HIVEP2: variants seen among roughly 807,000 people sequenced by gnomAD.
The protein encoded by HIVEP2 is transcription factor HIVEP2.
HIVEP2 carries 14 observed loss-of-function variants against 180.7 expected under a neutral mutation model. That is an observed-to-expected ratio of 0.08 (90% CI 0.05 to 0.12). HIVEP2 has a LOEUF of 0.12. Ranked by LOEUF, HIVEP2 falls within the 10% of genes least tolerant of loss-of-function variation. The pLI is 1.00. For synonymous variants in HIVEP2, 1,184 were observed against 1,136.4 expected, an observed-to-expected ratio of 1.04 and a Z score of -0.84; for missense variants, 2,579 against 3,008.5, an observed-to-expected ratio of 0.86 and a Z score of 3.34.
At chr6:142,861,741 A>C (rs369030043) in intron 1 of HIVEP2, among the ~76,000 whole-genome samples, 1 of 152,180 alleles carries the variant, frequency 6.6e-6, no homozygotes, top group Non-Finnish European at 1.5e-5. Context: ...TCAGTCCCAC[A>C]CTTTCAAATT....
chr6:142,761,322 A>C (rs1471093020), intron 8 of HIVEP2, 142 bp downstream of exon 8: 3 of 521,316 alleles, frequency 5.8e-6, no homozygotes, highest in Non-Finnish European at 1.0e-5. Flanking sequence ...TCAATGTGTC[A>C]GTTTTATTTT....
At chr6:142,844,211 T>C (rs1018677439) in intron 1 of HIVEP2, among the ~76,000 whole-genome samples, 10 of 152,182 alleles carry the variant, frequency 6.6e-5, no homozygotes, top group South Asian at 2.1e-4. Context: ...CCACAATACG[T>C]TGGGTATTGC....
chr6:142,762,981 C>G (rs946038752), intron 7 of HIVEP2, among the ~76,000 whole-genome samples: 1 of 152,122 alleles, frequency 6.6e-6, no homozygotes, highest in Non-Finnish European at 1.5e-5. Context: ...AATGTATCTA[C>G]AAATTAATAA....
rs189126814 is a variant in HIVEP2, at chr6:142,804,901, C to T, written c.-527-21286G>A. On this transcript the variant is annotated intron_variant, in intron 2 of 9. Transcript: ENST00000367603. ...GTGCTAGATAATTATTGTGAATAGACTTTTTAAAGATGAATGGAGAATAGT... is the reference window on the plus strand; with the variant it reads ...GTGCTAGATAATTATTGTGAATAGATTTTTTAAAGATGAATGGAGAATAGT... Among the ~76,000 whole-genome samples the T allele has an allele frequency of 2.6e-3, 392 of 152,166 alleles. 3 individuals carry two copies. The highest frequency in any genetic ancestry group is 8.9e-3 in the African/African-American group (371 of 41,506).
chr6:142,890,546 A>C (rs938595648), intron 1 of HIVEP2, among the ~76,000 whole-genome samples: 5 of 152,214 alleles, frequency 3.3e-5, no homozygotes, highest in African/African-American at 1.2e-4. Flanking sequence ...GATGGATCAG[A>C]GTGGCAAGTG....
intron 2 of HIVEP2, among the ~76,000 whole-genome samples, chr6:142,831,273 G>A (rs1388041238): frequency 6.6e-6 from 1 of 152,204 alleles, no homozygotes; most frequent in African/African-American, 2.4e-5. Context: ...CTCCACTGAG[G>A]TCTGCGATGC....
intron 1 of HIVEP2, among the ~76,000 whole-genome samples, chr6:142,867,593 C>T (rs531823189): frequency 3.3e-5 from 5 of 152,148 alleles, no homozygotes; most frequent in Non-Finnish European, 7.4e-5. Flanking sequence ...TATTACTCTA[C>T]TTGTTTAAGA....
chr6:142,903,610 C>T (rs946515629), intron 1 of HIVEP2, among the ~76,000 whole-genome samples: 5 of 152,086 alleles, frequency 3.3e-5, no homozygotes, highest in African/African-American at 1.2e-4. Context: ...ACCATATATG[C>T]ATATATACCA....
chr6:142,922,980 T>A (rs182580580), intron 1 of HIVEP2, among the ~76,000 whole-genome samples: 2 of 152,258 alleles, frequency 1.3e-5, no homozygotes, highest in Admixed American at 1.3e-4. Flanking sequence ...AACAAACTAT[T>A]ATCAATAAAT....
intron 1 of HIVEP2, among the ~76,000 whole-genome samples, chr6:142,920,243 C>A (rs1777652211): frequency 6.6e-6 from 1 of 152,162 alleles, no homozygotes; most frequent in Non-Finnish European, 1.5e-5. Flanking sequence ...AGGATAATAT[C>A]CCTTCTATCA....
intron 1 of HIVEP2, among the ~76,000 whole-genome samples, chr6:142,848,033 C>A (rs935434034): frequency 4.6e-5 from 7 of 152,214 alleles, no homozygotes; most frequent in African/African-American, 1.7e-4. Flanking sequence ...ACTGCTAAGA[C>A]TTCTTATATT....
rs58034105 is a variant in HIVEP2, at chr6:142,925,453, C to T, written c.-641+19646G>A. Among the ~76,000 whole-genome samples the T allele has an allele frequency of 0.012, 1,751 of 152,230 alleles. 84 individuals carry two copies. The East Asian group carries it at 0.17, about 15-fold the overall frequency. On this transcript the variant is annotated intron_variant, in intron 1 of 9. Coordinates refer to ENST00000367603, the MANE Select transcript of HIVEP2 (RefSeq NM_006734.4). ...TGCATTTCATAACCCATAACTTTGCCACCATAACAACTTGAACTAAGCTCA... is the reference window on the plus strand; with the variant it reads ...TGCATTTCATAACCCATAACTTTGCTACCATAACAACTTGAACTAAGCTCA...
At chr6:142,921,042 T>G (rs928257913) in intron 1 of HIVEP2, among the ~76,000 whole-genome samples, 2 of 152,164 alleles carry the variant, frequency 1.3e-5, no homozygotes, top group African/African-American at 2.4e-5. Context: ...ACCCATTCAT[T>G]CAGCAAAAGT....
At position 142,770,010 on chromosome 6, in the gene HIVEP2, C is replaced by T; in HGVS notation, c.4729G>A (p.Asp1577Asn). 1 of 1,614,148 alleles carries T rather than the reference C, an allele frequency of 6.2e-7. No individual in the cohort carries two copies. The highest frequency in any genetic ancestry group is 8.5e-7 in the Non-Finnish European group (1 of 1,180,032). Residue 1577 changes from aspartate (D) to asparagine (N), a missense_variant, in exon 5 of 10, where the codon GAC (aspartate) becomes AAC (asparagine). This residue lies in a region of HIVEP2 where 349 missense variants were observed against 367.2 expected (regional missense o/e 0.95). Coordinates refer to ENST00000367603, the MANE Select transcript of HIVEP2 (RefSeq NM_006734.4). This position sits in a 1 kb window ranked among gnomAD's most constrained non-coding sequence, Gnocchi z 4.7. The part of the protein sequence containing the change: ...DELDIDETAS[D>N]MSMSPQSSSL... ...GAACTCTGTGGGCTCATGCTCATGT[C>T]CGATGCCGTCTCATCGATATCTAAT...
At chr6:142,854,959 C>T (rs947107201) in intron 1 of HIVEP2, among the ~76,000 whole-genome samples, 6 of 152,286 alleles carry the variant, frequency 3.9e-5, no homozygotes, top group African/African-American at 1.2e-4. Flanking sequence ...GGGCAAGGAA[C>T]GTTAAGTAAC....
At chr6:142,848,764 G>A (rs1029631935) in intron 1 of HIVEP2, among the ~76,000 whole-genome samples, 1 of 151,728 alleles carries the variant, frequency 6.6e-6, no homozygotes, top group Non-Finnish European at 1.5e-5. Context: ...GCTCTGCTCT[G>A]TCCATTCTGA....
chr6:142,761,121 G>T (rs1021080848), intron 8 of HIVEP2, among the ~76,000 whole-genome samples: 1 of 152,104 alleles, frequency 6.6e-6, no homozygotes, highest in Non-Finnish European at 1.5e-5. Context: ...TTCTTAACTT[G>T]AATAATAATA....
At chr6:142,826,855 A>C (rs996436077) in intron 2 of HIVEP2, among the ~76,000 whole-genome samples, 10 of 152,220 alleles carry the variant, frequency 6.6e-5, no homozygotes, top group South Asian at 2.1e-4. Context: ...TCCTATAAGA[A>C]GGATGTATTT....
rs564971383 is a variant in HIVEP2, at chr6:142,933,808, T to C, written c.-641+11291A>G. Among the ~76,000 whole-genome samples the C allele has an allele frequency of 6.6e-5, 10 of 152,324 alleles. No homozygotes were observed. The South Asian group carries it at 2.1e-3, about 32-fold the overall frequency. Reference sequence around the variant, plus strand: ...GGTCATTTAGAATATTCTCAGCCACTTGACCCATTTTAAAATTTACACTTG... The same window carrying C: ...GGTCATTTAGAATATTCTCAGCCACCTGACCCATTTTAAAATTTACACTTG... On this transcript the variant is annotated intron_variant, in intron 1 of 9. Transcript: ENST00000367603.
Sources: gnomAD v4.1 joint callset for allele counts (sites outside exome capture counted in the v4.1 genomes callset) on GRCh38, gnomAD v4.1.1 for gene constraint, gnomAD v4.1.1 regional missense constraint, Gnocchi (gnomAD v3.1) non-coding constraint, MANE v1.5 for transcripts, NCBI Gene and HGNC (gene_info 2026-07-23, HGNC 2026-07-21) for gene names.